The following CEP164 variants were observed in gnomAD, a reference collection of about 807,000 sequenced individuals.
CEP164 encodes centrosomal protein 164, also known as centrosomal protein of 164 kDa.
Under a neutral mutation model 182.7 loss-of-function variants are expected in CEP164, and 162 were observed. The ratio of observed to expected loss-of-function variants is 0.89; its 90% CI spans 0.78 to 1.01. The LOEUF is 1.01. Among genes scored for constraint, CEP164 ranks in the 50% least tolerant of loss-of-function variants. The probability of loss-of-function intolerance (pLI) is 0.00; values close to 1 mark genes in which losing one functional copy is unlikely to be tolerated. For missense variants in CEP164, 1,735 were observed against 1,790.4 expected (o/e 0.97, Z 0.56); for synonymous variants, 661 against 690.0 (o/e 0.96, Z 0.66).
At chr11:117,346,503 C>T (rs531088095) in intron 4 of CEP164, among the ~76,000 whole-genome samples, 3 of 151,760 alleles carry the variant, frequency 2.0e-5, no homozygotes, top group African/African-American at 4.8e-5. Flanking sequence ...ATGATCTGCC[C>T]GCCTTGTCCT....
intron 27 of CEP164, among the ~76,000 whole-genome samples, chr11:117,398,380 C>T (rs559902960): frequency 1.7e-4 from 26 of 152,180 alleles, no homozygotes; most frequent in Non-Finnish European, 2.9e-4. Context: ...GTGCATAGTG[C>T]AAGCTATTGA....
chr11:117,365,209 T>C (rs2041483843), intron 8 of CEP164, among the ~76,000 whole-genome samples: 1 of 152,220 alleles, frequency 6.6e-6, no homozygotes, highest in South Asian at 2.1e-4. Context: ...AAGTTGAGGC[T>C]GGAGATTCTG....
intron 5 of CEP164, chr11:117,356,335 C>T (rs2040289335): frequency 8.7e-7 from 1 of 1,143,688 alleles, no homozygotes; most frequent in Non-Finnish European, 1.1e-6. Flanking sequence ...CGTGCAGACA[C>T]AGCGCCAGCA....
At chr11:117,326,986 G>A (rs560563079), upstream of CEP164, among the ~76,000 whole-genome samples, 2 of 152,300 alleles carry the variant, frequency 1.3e-5, no homozygotes, top group Non-Finnish European at 2.9e-5. Context: ...AAAACTCTTC[G>A]GAATTATATT....
At chr11:117,361,749 T>C in intron 5 of CEP164, 86 bp from the exon 6 acceptor site, 1 of 1,400,840 alleles carries the variant, frequency 7.1e-7, no homozygotes, top group East Asian at 2.3e-5. Context: ...GTGCAGGATT[T>C]AGATGTTTTA....
intron 9 of CEP164, among the ~76,000 whole-genome samples, chr11:117,372,480 C>T (rs541329669): frequency 1.2e-3 from 188 of 151,114 alleles, no homozygotes; most frequent in African/African-American, 4.4e-3. Context: ...TGCAGTGGTG[C>T]GATCAGCTCA....
chr11:117,407,776 G>A (rs550589933), intron 27 of CEP164, 149 bp from the exon 28 acceptor site: 42 of 562,134 alleles, frequency 7.5e-5, no homozygotes, highest in East Asian at 1.6e-4. Context: ...TAATTCTTAC[G>A]ACCCTGTGAA....
At chr11:117,392,742 G>T in intron 19 of CEP164, 115 bp downstream of exon 19, 1 of 1,434,124 alleles carries the variant, frequency 7.0e-7, no homozygotes, top group African/African-American at 1.4e-5. Context: ...CTCAGCTGGG[G>T]TTAGCATTTC....
chr11:117,331,104 C>T (rs2036135995), intron 1 of CEP164, among the ~76,000 whole-genome samples: 3 of 152,162 alleles, frequency 2.0e-5, no homozygotes, highest in African/African-American at 7.2e-5. Flanking sequence ...ACAGAGAACC[C>T]TCATTATGTC....
rs770031376 is a variant in CEP164, at chr11:117,410,467, G to A, written c.4097-361G>A. On this transcript the variant is annotated intron_variant, in intron 30 of 32. Coordinates refer to ENST00000278935, the MANE Select transcript of CEP164 (RefSeq NM_014956.5). ...ACCCAGTGAGTGAGTAACAAACTCA[G>A]TTGTGACCCCATGTCTCTGTGACTC... The A allele has an allele frequency of 3.4e-4, 92 of 272,698 alleles. No homozygotes were observed. The Middle Eastern group carries it at 3.9e-3, about 12-fold the overall frequency. 16.9% of individuals were successfully genotyped at this position (272,698 alleles called of 1,614,324 possible).
rs775499013 is a variant in CEP164, at chr11:117,396,039, T to C, written c.3090-15T>C. On this transcript the variant is annotated splice_polypyrimidine_tract_variant and intron_variant, in intron 24 of 32. Coordinates refer to ENST00000278935, the MANE Select transcript of CEP164 (RefSeq NM_014956.5). ...CAGCCGCTGCCCTGCCTCTCACTCA[T>C]CTTTCCTTCCACAGCAGCCTGGAGG... 1 of 1,614,026 alleles carries C rather than the reference T, an allele frequency of 6.2e-7. No individual in the cohort carries two copies. Among genetic ancestry groups the C allele is most frequent in the South Asian group, 1.1e-5 (1 of 91,036 alleles).
chr11:117,360,267 AATTG>A (rs2040780852), intron 5 of CEP164, among the ~76,000 whole-genome samples: 1 of 152,050 alleles, frequency 6.6e-6, no homozygotes, highest in Non-Finnish European at 1.5e-5. Flanking sequence ...TCCTGGGCTT[AATTG>A]ATCTTGCCGC....
intron 5 of CEP164, chr11:117,355,103 C>T (rs947872564): frequency 1.6e-5 from 21 of 1,289,676 alleles, no homozygotes; most frequent in Middle Eastern, 2.1e-4. Context: ...CACTCCCTGG[C>T]GTTTCATGGG....
chr11:117,333,040 T>G (rs1309218410), intron 1 of CEP164, among the ~76,000 whole-genome samples: 1 of 152,134 alleles, frequency 6.6e-6, no homozygotes, highest in Admixed American at 6.5e-5. Context: ...TAGAGACAGG[T>G]CTTGCCCTGT....
rs577777924 is a variant in CEP164, at chr11:117,395,029, C to T, written c.2844+26C>T. The T allele has an allele frequency of 9.3e-6, 15 of 1,613,340 alleles. No individual in the cohort carries two copies. The East Asian group carries it at 2.7e-4, about 29-fold the overall frequency. On this transcript the variant is annotated intron_variant, in intron 22 of 32. Transcript: ENST00000278935. ...GTGAGGGATCTGCAGGAGTCCTTGA[C>T]CTCAGAGTCATAGCTTCTCTAGCAG... is the stretch of plus-strand genomic sequence containing the variant.
Position 117,371,117 on chromosome 11 carries a change from A to G in CEP164, c.803A>G (p.Asp268Gly), listed in dbSNP as rs1485730362. ...ACAAGCCAGCCAGAGGAGAAGAAGG[A>G]TGTTTCTCTGGATTCAGATGCTGCC... Reference protein sequence around the residue: ...LRTSQPEEKKDVSLDSDAAGP... With the variant: ...LRTSQPEEKKGVSLDSDAAGP... Residue 268 changes from aspartate to glycine, a missense_variant, in exon 9 of 33, where the codon GAT becomes GGT. Physicochemically the swap from Asp to Gly is moderately conservative, Grantham distance 94 (BLOSUM62 -1). Coordinates refer to ENST00000278935, the MANE Select transcript of CEP164 (RefSeq NM_014956.5). The G allele has an allele frequency of 1.9e-6, 3 of 1,609,574 alleles. No homozygotes were observed. The highest frequency in any genetic ancestry group is 2.7e-5 in the African/African-American group (2 of 74,780).
chr11:117,412,026 C>G (rs67023719), intron 32 of CEP164, 46 bp from the exon 33 acceptor site: 1 of 1,611,410 alleles, frequency 6.2e-7, no homozygotes, highest in Non-Finnish European at 8.5e-7. Flanking sequence ...ATGGCCCCTG[C>G]CTGGCTATGC....
intron 2 of CEP164, among the ~76,000 whole-genome samples, chr11:117,337,389 A>G (rs1346693752): frequency 2.0e-5 from 3 of 151,782 alleles, no homozygotes; most frequent in African/African-American, 4.8e-5. Flanking sequence ...AGAACCAGTC[A>G]CATTGTGGAT....
chr11:117,411,626 T>G lies in CEP164; in HGVS notation c.4164-169T>G, dbSNP rs1362418589. On this transcript the variant is annotated intron_variant, in intron 31 of 32. Coordinates refer to ENST00000278935, the MANE Select transcript of CEP164 (RefSeq NM_014956.5). This position sits in a 1 kb window ranked among gnomAD's most constrained non-coding sequence, Gnocchi z 4.4. ...CACCACTTTCCCGTTTGGGAACTGTTCTGGAGGGGCAGATGTTTTGAAGCT... is the reference window on the plus strand; with the variant it reads ...CACCACTTTCCCGTTTGGGAACTGTGCTGGAGGGGCAGATGTTTTGAAGCT... 5 of 884,284 alleles carry G rather than the reference T, an allele frequency of 5.7e-6. No homozygotes were observed. Among genetic ancestry groups the G allele is most frequent in the Non-Finnish European group, 8.4e-6 (5 of 595,826 alleles). 54.8% of individuals were successfully genotyped at this position (884,284 alleles called of 1,614,324 possible).
Sources: allele counts gnomAD v4.1 joint callset (sites outside exome capture counted in the v4.1 genomes callset), GRCh38; gene constraint gnomAD v4.1.1; non-coding constraint Gnocchi (gnomAD v3.1); transcripts MANE v1.5; gene names NCBI Gene and HGNC (gene_info 2026-07-23, HGNC 2026-07-21).